Variants in PPHLN1 observed in about 807,000 individuals in gnomAD.
PPHLN1 encodes periphilin 1.
PPHLN1 carries 29 observed loss-of-function variants against 51.3 expected under a neutral mutation model. The observed-to-expected ratio is 0.57, with a 90% CI of 0.42 to 0.77. PPHLN1 has a LOEUF of 0.77. PPHLN1 is among the 30% of genes least tolerant of loss of function. The probability of loss-of-function intolerance (pLI) is 0.00; values close to 1 mark genes in which losing one functional copy is unlikely to be tolerated. For synonymous variants in PPHLN1, 147 were observed against 147.8 expected (o/e 0.99, Z 0.04); for missense variants, 436 against 438.4 (o/e 0.99, Z 0.05).
At chr12:42,369,415 A>G (rs1278027281) in intron 4 of PPHLN1, among the ~76,000 whole-genome samples, 1 of 152,178 alleles carries the variant, frequency 6.6e-6, no homozygotes, top group Admixed American at 6.5e-5. Context: ...ACATACAACT[A>G]TCAGGCACTT....
intron 2 of PPHLN1, among the ~76,000 whole-genome samples, chr12:42,348,276 A>ATTTTTTTTT (rs1213561958): frequency 1.6e-3 from 141 of 85,602 alleles, no homozygotes; most frequent in African/African-American, 4.0e-3. Flanking sequence ...CACCTGGCTA[A>ATTTTTTTTT]TTTTTTTTTT....
intron 5 of PPHLN1, among the ~76,000 whole-genome samples, chr12:42,376,202 A>G (rs2076252047): frequency 6.6e-6 from 1 of 152,226 alleles, no homozygotes; most frequent in Non-Finnish European, 1.5e-5. Context: ...AGAAATCAGA[A>G]AAGTCCAGGA....
intron 9 of PPHLN1, among the ~76,000 whole-genome samples, chr12:42,420,839 T>C (rs2080943531): frequency 1.3e-5 from 2 of 151,964 alleles, no homozygotes; most frequent in Admixed American, 1.3e-4. Context: ...AACATTAGAT[T>C]AGCTTTCAGG....
chr12:42,375,159 A>G, intron 5 of PPHLN1, 85 bp downstream of exon 5: 1 of 1,091,598 alleles, frequency 9.2e-7, no homozygotes. Context: ...TAGGTGTAAG[A>G]GATTTATTTT....
chr12:42,435,622 A>G (rs1418796823), intron 9 of PPHLN1, among the ~76,000 whole-genome samples: 2 of 152,248 alleles, frequency 1.3e-5, no homozygotes, highest in African/African-American at 4.8e-5. Flanking sequence ...AACATTATGA[A>G]TGGTTCCTTG....
chr12:42,334,070 C>G (rs2070224137), intron 1 of PPHLN1, among the ~76,000 whole-genome samples: 1 of 152,032 alleles, frequency 6.6e-6, no homozygotes, highest in African/African-American at 2.4e-5. Context: ...TGTACTGTAT[C>G]TTAAAAAGGA....
chr12:42,387,355 TA>T, intron 6 of PPHLN1, 100 bp from the exon 7 acceptor site: 1 of 1,285,418 alleles, frequency 7.8e-7, no homozygotes. Flanking sequence ...GTTTTAGTAC[TA>T]AAATAAGTGT....
At chr12:42,413,669 C>T (rs1180874117) in intron 9 of PPHLN1, among the ~76,000 whole-genome samples, 1 of 151,870 alleles carries the variant, frequency 6.6e-6, no homozygotes, top group Non-Finnish European at 1.5e-5. Context: ...TTAAGTGATT[C>T]TCCTGTCTCA....
chr12:42,376,691 T>C (rs1460296812), intron 5 of PPHLN1, among the ~76,000 whole-genome samples: 2 of 152,136 alleles, frequency 1.3e-5, no homozygotes, highest in Non-Finnish European at 2.9e-5. Flanking sequence ...CTCAGAAGGC[T>C]GAGGTAGGAT....
At chr12:42,337,157 T>A (rs896351940) in intron 2 of PPHLN1, among the ~76,000 whole-genome samples, 1 of 152,190 alleles carries the variant, frequency 6.6e-6, no homozygotes, top group Non-Finnish European at 1.5e-5. Context: ...ATTCTGTAGT[T>A]TACCTGTAGG....
intron 9 of PPHLN1, among the ~76,000 whole-genome samples, chr12:42,435,489 A>G (rs1369306326): frequency 6.6e-6 from 1 of 152,210 alleles, no homozygotes; most frequent in African/African-American, 2.4e-5. Context: ...AAGCAGCAAC[A>G]TAGATTACAA....
At chr12:42,335,436 A>C (rs560804920) in intron 1 of PPHLN1, among the ~76,000 whole-genome samples, 1 of 152,274 alleles carries the variant, frequency 6.6e-6, no homozygotes, top group Admixed American at 6.5e-5. Flanking sequence ...ATATATATTA[A>C]ATGAAGACTG....
In PPHLN1 at chr12:42,387,440, A is replaced by C; in HGVS notation, c.569-16A>C. ...TTAGCTAGAAAAAAAATTACATCTT[A>C]TGTTTTCTTATATAGATAAAGAGAG... On this transcript the variant is annotated splice_polypyrimidine_tract_variant and intron_variant, in intron 6 of 9. Coordinates refer to ENST00000358314, the MANE Select transcript of PPHLN1 (RefSeq NM_201439.2). 1.3e-6 allele frequency: 2 copies of C among 1,577,934 alleles called. No individual in the cohort carries two copies. The highest frequency in any genetic ancestry group is 1.7e-6 in the Non-Finnish European group (2 of 1,167,318).
chr12:42,384,936 A>G lies in PPHLN1; in HGVS notation c.512-4A>G. 1.2e-6 allele frequency: 2 copies of G among 1,607,190 alleles called. No individual in the cohort carries two copies. The highest frequency in any genetic ancestry group is 1.7e-6 in the Non-Finnish European group (2 of 1,173,656). On this transcript the variant is annotated splice_polypyrimidine_tract_variant and splice_region_variant and intron_variant, in intron 5 of 9. Transcript: ENST00000358314. ...TTAATTCCTCCCTGCCCACCTTTCC[A>G]TAGAGTCCGTGCGTCCTGGTGCCTC...
At chr12:42,430,346 C>A (rs1022289187) in intron 9 of PPHLN1, among the ~76,000 whole-genome samples, 1 of 152,098 alleles carries the variant, frequency 6.6e-6, no homozygotes, top group Non-Finnish European at 1.5e-5. Context: ...GCTGTCCCCC[C>A]GCCACCCTTA....
chr12:42,355,138 T>C, intron 3 of PPHLN1, 23 bp from the exon 4 acceptor site: 4 of 1,610,908 alleles, frequency 2.5e-6, no homozygotes, highest in Non-Finnish European at 3.4e-6. Context: ...AACAAATAGC[T>C]AAGTAGCTTT....
At chr12:42,423,976 C>T (rs374848295) in intron 9 of PPHLN1, among the ~76,000 whole-genome samples, 41 of 152,230 alleles carry the variant, frequency 2.7e-4, no homozygotes, top group East Asian at 2.1e-3. Flanking sequence ...TGCACCTGGC[C>T]GACCATGGAA....
At chr12:42,395,042 G>A (rs2078074496) in intron 8 of PPHLN1, among the ~76,000 whole-genome samples, 1 of 151,824 alleles carries the variant, frequency 6.6e-6, no homozygotes, top group Non-Finnish European at 1.5e-5. Context: ...TTTATCTCAG[G>A]TTTTTATAAA....
At chr12:42,331,882 T>G (rs749534774) in intron 1 of PPHLN1, 3 of 152,210 alleles carry the variant, frequency 2.0e-5, no homozygotes, top group Non-Finnish European at 4.4e-5. Context: ...TCTGAACACC[T>G]TTGTATAAAT....
Sources: gnomAD v4.1 joint callset for allele counts (sites outside exome capture counted in the v4.1 genomes callset) on GRCh38, gnomAD v4.1.1 for gene constraint, MANE v1.5 for transcripts, NCBI Gene and HGNC (gene_info 2026-07-23, HGNC 2026-07-21) for gene names.